TRPC5: variants seen among roughly 807,000 people sequenced by gnomAD.
The protein encoded by TRPC5 is transient receptor potential cation channel subfamily C member 5.
In TRPC5, 9 loss-of-function variants were observed where a neutral mutation model predicts 56.5. The ratio of observed to expected loss-of-function variants is 0.16; its 90% CI spans 0.10 to 0.28. The LOEUF (loss-of-function observed/expected upper bound fraction) is 0.28. Among genes scored for constraint, TRPC5 ranks in the 10% least tolerant of loss-of-function variants. The pLI is 1.00. For missense variants in TRPC5, 469 were observed against 748.9 expected (o/e 0.63, Z 4.36); for synonymous variants, 282 against 278.5 (o/e 1.01, Z -0.13).
chrX:112,082,563 A>G lies in TRPC5; in HGVS notation c.-706T>C, dbSNP rs919775527. 1 of 110,532 alleles carries G rather than the reference A, an allele frequency of 9.0e-6. No homozygotes were observed. The highest frequency in any genetic ancestry group is 3.3e-5 in the African/African-American group (1 of 30,236). The allele number at this position is 110,532 out of a possible 1,213,427, so 9.1% of individuals were successfully genotyped here. On this transcript the variant is annotated 5_prime_UTR_variant, in exon 1 of 11. Transcript: ENST00000262839. ...GCCGTTTCTGGAATATGCTATACAG[A>G]GAAGGGGAGAGAAAAGCAAAGAGGG...
rs181076972 is a variant in TRPC5 at position 111,829,271 on chromosome X, C to T, written c.1896+5650G>A. 6.8e-3 allele frequency among the ~76,000 whole-genome samples: 637 copies of T among 94,028 alleles called. 9 individuals carry two copies. The highest frequency in any genetic ancestry group is 0.025 in the African/African-American group (606 of 24,181). The allele number at this position is 94,028 out of a possible 115,157, so 81.7% of individuals were successfully genotyped here. On this transcript the variant is annotated intron_variant, in intron 7 of 10. Transcript: ENST00000262839. ...GAGCTGAGATCACACCACTGCACTC[C>T]GGCCCGGGCGACAGTATGAGACTCT...
chrX:112,009,314 T>G (rs1443415541), intron 1 of TRPC5, among the ~76,000 whole-genome samples: 2 of 111,737 alleles, frequency 1.8e-5, no homozygotes, highest in African/African-American at 6.5e-5. Flanking sequence ...AGGGTCTTGC[T>G]GCTGAGGCAC....
chrX:111,959,912 G>A (rs959975448), intron 1 of TRPC5, among the ~76,000 whole-genome samples: 2 of 111,509 alleles, frequency 1.8e-5, no homozygotes, highest in African/African-American at 3.3e-5. Flanking sequence ...ATATGATCAC[G>A]AGGGAGAATG....
rs1282380362 is a variant in TRPC5, at chrX:111,776,791, C to T, written c.2444G>A (p.Arg815Lys). 4.1e-6 allele frequency: 5 copies of T among 1,208,014 alleles called. No individual in the cohort carries two copies. Among genetic ancestry groups the T allele is most frequent in the African/African-American group, 1.7e-5 (1 of 57,143 alleles). ...KKTCHGPPLI[R>K]TMPRSSGAQG... ...GGCACCACTGGACCTTGGCATGGTT[C>T]TGATGAGAGGTGGCCCATGGCAAGT... is the stretch of plus-strand genomic sequence containing the variant. The change falls in exon 11 of 11, where the codon AGA (arginine) becomes AAA (lysine). Residue 815 changes from arginine to lysine, a missense_variant. By Grantham distance (26) the Arg-to-Lys change is conservative. This residue lies in a region of TRPC5 where 194 missense variants were observed against 221.8 expected (regional missense o/e 0.87). Transcript: ENST00000262839.
chrX:111,862,155 G>A (rs1393223975), intron 3 of TRPC5, among the ~76,000 whole-genome samples: 1 of 111,410 alleles, frequency 9.0e-6, no homozygotes, highest in African/African-American at 3.3e-5. Context: ...TAGAGCTTCG[G>A]CATGGGAATT....
intron 1 of TRPC5, among the ~76,000 whole-genome samples, chrX:112,010,307 G>A (rs1234922064): frequency 8.9e-6 from 1 of 112,120 alleles, no homozygotes; most frequent in African/African-American, 3.2e-5. Flanking sequence ...GCAGCTCTGT[G>A]ACCTTGGGCA....
At chrX:111,931,661 A>T (rs1345447741) in intron 2 of TRPC5, among the ~76,000 whole-genome samples, 1 of 111,982 alleles carries the variant, frequency 8.9e-6, no homozygotes, top group Non-Finnish European at 1.9e-5. Flanking sequence ...TCTGTTGATC[A>T]TTTTTAGCTC....
At chrX:112,076,923 T>C (rs1200322003) in intron 1 of TRPC5, among the ~76,000 whole-genome samples, 2 of 112,298 alleles carry the variant, frequency 1.8e-5, no homozygotes, top group African/African-American at 6.5e-5. Context: ...TCACGTCAAT[T>C]AGAAATAATG....
chrX:112,018,262 T>C (rs1000997855), intron 1 of TRPC5, among the ~76,000 whole-genome samples: 35 of 112,639 alleles, frequency 3.1e-4, no homozygotes, highest in East Asian at 2.8e-4. Context: ...TCTGACATAG[T>C]GCTAGCTAAA....
intron 3 of TRPC5, chrX:111,901,768 CCCTTATACTAT>C: frequency 1.3e-6 from 1 of 774,207 alleles, no homozygotes; most frequent in Non-Finnish European, 1.8e-6. Context: ...CATTGTTAGC[CCCTTATACTAT>C]CCATTGTCAC....
intron 3 of TRPC5, among the ~76,000 whole-genome samples, chrX:111,881,650 A>G (rs1392531804): frequency 9.1e-6 from 1 of 109,484 alleles, no homozygotes; most frequent in Non-Finnish European, 1.9e-5. Context: ...GCTGTTTTAT[A>G]CTATAAATAC....
At chrX:111,916,680 A>G (rs902160475) in intron 2 of TRPC5, among the ~76,000 whole-genome samples, 1 of 112,518 alleles carries the variant, frequency 8.9e-6, no homozygotes. Flanking sequence ...GGGGGCAGCT[A>G]CTACTCAGCT....
At chrX:111,978,089 T>C (rs1346871170) in intron 1 of TRPC5, among the ~76,000 whole-genome samples, 1 of 111,928 alleles carries the variant, frequency 8.9e-6, no homozygotes, top group Non-Finnish European at 1.9e-5. Context: ...AGAACTACCA[T>C]AAGATCCACC....
chrX:111,792,057 C>A (rs1487674821), intron 7 of TRPC5, among the ~76,000 whole-genome samples: 1 of 112,114 alleles, frequency 8.9e-6, no homozygotes, highest in Non-Finnish European at 1.9e-5. Flanking sequence ...GGAACCAACA[C>A]AAATGCCCAT....
At chrX:111,796,954 A>C (rs1207733096) in intron 7 of TRPC5, among the ~76,000 whole-genome samples, 2 of 112,390 alleles carry the variant, frequency 1.8e-5, no homozygotes, top group East Asian at 2.8e-4. Flanking sequence ...TGTGCTGTTA[A>C]AAAATTGCCA....
intron 1 of TRPC5, among the ~76,000 whole-genome samples, chrX:112,009,026 G>A (rs891775179): frequency 9.0e-6 from 1 of 111,464 alleles, no homozygotes; most frequent in Non-Finnish European, 1.9e-5. Flanking sequence ...CTTTAATGTT[G>A]CTTTGTTTTC....
chrX:111,781,415 C>G (rs989202480), intron 8 of TRPC5, among the ~76,000 whole-genome samples: 10 of 112,113 alleles, frequency 8.9e-5, no homozygotes, highest in African/African-American at 3.2e-4. Flanking sequence ...CGGGAGGAAA[C>G]AGTTTTGTTT....
intron 6 of TRPC5, among the ~76,000 whole-genome samples, chrX:111,842,582 C>T (rs1296618651): frequency 8.9e-6 from 1 of 112,376 alleles, no homozygotes; most frequent in Non-Finnish European, 1.9e-5. Flanking sequence ...TTTTTCAACG[C>T]TTTGGATGGA....
chrX:111,915,386 C>A (rs747280728), intron 2 of TRPC5, among the ~76,000 whole-genome samples: 4 of 111,705 alleles, frequency 3.6e-5, no homozygotes, highest in Non-Finnish European at 7.5e-5. Context: ...CTTGCCCTCC[C>A]GCCCAGACTG....
Sources: allele counts gnomAD v4.1 joint callset (sites outside exome capture counted in the v4.1 genomes callset), GRCh38; gene constraint gnomAD v4.1.1; regional missense constraint gnomAD v4.1.1; transcripts MANE v1.5; gene names NCBI Gene and HGNC (gene_info 2026-07-23, HGNC 2026-07-21).